NRG1: variants seen among roughly 807,000 people sequenced by gnomAD.
The protein encoded by NRG1 is pro-neuregulin-1, membrane-bound isoform.
NRG1 carries 18 observed loss-of-function variants against 63.8 expected under a neutral mutation model. The ratio of observed to expected loss-of-function variants is 0.28; its 90% CI spans 0.19 to 0.42. The LOEUF (loss-of-function observed/expected upper bound fraction) is 0.42, where lower values mean the gene tolerates loss of function less well. NRG1 is among the 10% of genes least tolerant of loss of function. The pLI, the probability that NRG1 is intolerant of heterozygous loss-of-function variation, is 1.00. For synonymous variants in NRG1, 302 were observed against 301.3 expected, an observed-to-expected ratio of 1.00 and a Z score of -0.02; for missense variants, 762 against 814.7, an observed-to-expected ratio of 0.94 and a Z score of 0.79.
At position 31,863,423 on chromosome 8, in the gene NRG1, A is replaced by G. The variant is rs115913968; in HGVS notation, c.37+223992A>G. ...GTTTTGTTTAATGTTACCTGCCAAGATATGTGTCTAAGAGGCTGCTGTGGC... is the reference window on the plus strand; with the variant it reads ...GTTTTGTTTAATGTTACCTGCCAAGGTATGTGTCTAAGAGGCTGCTGTGGC... On this transcript the variant is annotated intron_variant, in intron 1 of 10. Transcript: ENST00000519301. Among the ~76,000 whole-genome samples the G allele has an allele frequency of 5.9e-3, 901 of 152,288 alleles. 12 individuals are homozygous for G. Among genetic ancestry groups the G allele is most frequent in the African/African-American group, 0.019 (810 of 41,552 alleles).
intron 1 of NRG1, among the ~76,000 whole-genome samples, chr8:31,806,016 A>G (rs1360775907): frequency 6.6e-6 from 1 of 152,182 alleles, no homozygotes; most frequent in African/African-American, 2.4e-5. Flanking sequence ...GACTTTTAAT[A>G]AAGACACATA....
intron 1 of NRG1, among the ~76,000 whole-genome samples, chr8:31,969,059 T>C (rs1470328963): frequency 6.6e-6 from 1 of 152,200 alleles, no homozygotes; most frequent in Admixed American, 6.5e-5. Context: ...CACCAGTGAG[T>C]TGATTGCAGC....
At chr8:32,336,099 A>G (rs1266212227) in intron 1 of NRG1, among the ~76,000 whole-genome samples, 1 of 152,226 alleles carries the variant, frequency 6.6e-6, no homozygotes, top group Non-Finnish European at 1.5e-5. Flanking sequence ...CAGAGAAGAC[A>G]CCCACAGGGT....
At chr8:32,085,061 G>C (rs1828018988) in intron 1 of NRG1, among the ~76,000 whole-genome samples, 1 of 152,194 alleles carries the variant, frequency 6.6e-6, no homozygotes, top group Non-Finnish European at 1.5e-5. Context: ...GGCTGCTCTG[G>C]AGTTCGCCAG....
chr8:32,474,256 C>T lies in NRG1; in HGVS notation c.38-121572C>T, dbSNP rs190578442. ...ATACACTTATTCTAACAATATTGCC[C>T]ATTCCTCAAAACATTCTGGGAACTC... On this transcript the variant is annotated intron_variant, in intron 1 of 10. Coordinates refer to the NRG1 transcript ENST00000519301. Among the ~76,000 whole-genome samples the T allele has an allele frequency of 3.9e-5, 6 of 152,234 alleles. No homozygotes were observed. In the East Asian group the frequency reaches 1.2e-3, roughly 29 times the overall value.
At chr8:31,855,183 C>T (rs1220853475) in intron 1 of NRG1, among the ~76,000 whole-genome samples, 5 of 152,022 alleles carry the variant, frequency 3.3e-5, no homozygotes, top group African/African-American at 4.8e-5. Flanking sequence ...CTTTCTGTCT[C>T]GTTGATCTGT....
intron 1 of NRG1, among the ~76,000 whole-genome samples, chr8:32,366,675 G>GTA (rs1461103070): frequency 5.5e-5 from 3 of 54,544 alleles, no homozygotes; most frequent in East Asian, 2.4e-4. Context: ...GTGTGTGTGT[G>GTA]TGTATATATA....
At chr8:32,384,203 C>T (rs1252261212) in intron 1 of NRG1, among the ~76,000 whole-genome samples, 1 of 152,096 alleles carries the variant, frequency 6.6e-6, no homozygotes, top group Non-Finnish European at 1.5e-5. Flanking sequence ...CACCACTACA[C>T]TCCAGCCCGG....
chr8:31,903,815 C>T (rs1239425082), intron 1 of NRG1, among the ~76,000 whole-genome samples: 1 of 151,834 alleles, frequency 6.6e-6, no homozygotes, highest in Non-Finnish European at 1.5e-5. Context: ...ATTAGCCAGG[C>T]GTGGTGATGT....
intron 1 of NRG1, among the ~76,000 whole-genome samples, chr8:31,881,870 T>A (rs911305732): frequency 6.6e-6 from 1 of 151,948 alleles, no homozygotes; most frequent in Non-Finnish European, 1.5e-5. Flanking sequence ...CTGGCAGAGG[T>A]TGGTTCATGA....
chr8:31,806,764 C>G (rs997120231), intron 1 of NRG1, among the ~76,000 whole-genome samples: 3 of 152,026 alleles, frequency 2.0e-5, no homozygotes, highest in Non-Finnish European at 4.4e-5. Flanking sequence ...TTTCAATAAT[C>G]AAGTAAATTA....
In NRG1 at chr8:32,344,678, C is replaced by CAGGAGGA. The variant is rs1200969435; in HGVS notation, c.38-251150_38-251149insAGGAGGA. On this transcript the variant is annotated intron_variant, in intron 1 of 10. Transcript: ENST00000519301. ...CCACATTGCCCAGGCTGGTCTTGAA[C>CAGGAGGA]TCCTGGGCTGAAGTGATCCTCCTGC... is the stretch of plus-strand genomic sequence containing the variant. Among the ~76,000 whole-genome samples, 16 of 141,726 alleles carry CAGGAGGA rather than the reference C, an allele frequency of 1.1e-4. No individual in the cohort carries two copies. In the East Asian group the frequency reaches 2.6e-3, roughly 23 times the overall value. The allele number at this position is 141,726 out of a possible 152,430, so 93.0% of individuals were successfully genotyped here.
chr8:31,981,123 G>T (rs1808997571), intron 1 of NRG1, among the ~76,000 whole-genome samples: 1 of 151,996 alleles, frequency 6.6e-6, no homozygotes, highest in South Asian at 2.1e-4. Context: ...AGAGACATGA[G>T]TATGGGACTT....
intron 1 of NRG1, among the ~76,000 whole-genome samples, chr8:31,970,482 A>G: frequency 6.6e-6 from 1 of 152,198 alleles, no homozygotes; most frequent in Middle Eastern, 3.2e-3. Flanking sequence ...AAGGTAGCCT[A>G]GACAAGGTGA....
intron 1 of NRG1, among the ~76,000 whole-genome samples, chr8:32,158,615 GC>G (rs933616481): frequency 2.0e-5 from 3 of 151,238 alleles, no homozygotes; most frequent in Non-Finnish European, 4.4e-5. Flanking sequence ...GAAAATAGCT[GC>G]CCCTCACCAC....
chr8:32,573,902 G>A (rs1839121244), intron 1 of NRG1, among the ~76,000 whole-genome samples: 1 of 152,072 alleles, frequency 6.6e-6, no homozygotes, highest in South Asian at 2.1e-4. Flanking sequence ...AACATGCAGT[G>A]TTTGGTTTTT....
At chr8:32,515,782 G>T (rs1588074035) in intron 1 of NRG1, among the ~76,000 whole-genome samples, 1 of 152,010 alleles carries the variant, frequency 6.6e-6, no homozygotes, top group African/African-American at 2.4e-5. Flanking sequence ...TTTGTTTATT[G>T]ATTTAAGTTC....
chr8:31,698,137 T>C (rs1279199351), intron 1 of NRG1, among the ~76,000 whole-genome samples: 1 of 152,184 alleles, frequency 6.6e-6, no homozygotes, highest in Non-Finnish European at 1.5e-5. Flanking sequence ...TCCTGACTTC[T>C]GATCTGGAGT....
At chr8:32,313,755 G>A (rs1483114704) in intron 1 of NRG1, among the ~76,000 whole-genome samples, 1 of 151,986 alleles carries the variant, frequency 6.6e-6, no homozygotes, top group African/African-American at 2.4e-5. Context: ...AACATCATAA[G>A]GCCCCCAAAT....
Sources: gnomAD v4.1 joint callset for allele counts (sites outside exome capture counted in the v4.1 genomes callset) on GRCh38, gnomAD v4.1.1 for gene constraint, MANE v1.5 for transcripts, NCBI Gene and HGNC (gene_info 2026-07-23, HGNC 2026-07-21) for gene names.